TMEFF1: variants seen among roughly 807,000 people sequenced by gnomAD.
TMEFF1 encodes tomoregulin-1.
TMEFF1 carries 20 observed loss-of-function variants against 47.5 expected under a neutral mutation model. The ratio of observed to expected loss-of-function variants is 0.42; its 90% CI spans 0.30 to 0.61. The LOEUF is 0.61. Ranked by LOEUF, TMEFF1 falls within the 20% of genes least tolerant of loss-of-function variation. The probability of loss-of-function intolerance (pLI) is 0.19; values close to 1 mark genes in which losing one functional copy is unlikely to be tolerated. For synonymous variants in TMEFF1, 162 were observed against 166.3 expected, an observed-to-expected ratio of 0.97 and a Z score of 0.20; for missense variants, 411 against 471.1, an observed-to-expected ratio of 0.87 and a Z score of 1.18.
intron 1 of TMEFF1, among the ~76,000 whole-genome samples, chr9:100,475,301 G>A (rs1474047190): frequency 6.6e-6 from 1 of 152,184 alleles, no homozygotes; most frequent in African/African-American, 2.4e-5. Context: ...AATGTTTTAT[G>A]AGGGGAATGG....
At chr9:100,518,886 T>G (rs1838114679) in intron 5 of TMEFF1, among the ~76,000 whole-genome samples, 1 of 152,174 alleles carries the variant, frequency 6.6e-6, no homozygotes, top group African/African-American at 2.4e-5. Flanking sequence ...TTTTTACCTA[T>G]CCAGCTGGGC....
chr9:100,507,822 T>G (rs960276176), intron 2 of TMEFF1, among the ~76,000 whole-genome samples: 2 of 152,244 alleles, frequency 1.3e-5, no homozygotes, highest in African/African-American at 4.8e-5. Context: ...ATTTTTAGGT[T>G]ATTGATATTA....
At chr9:100,571,599 G>A (rs961635745) in intron 8 of TMEFF1, among the ~76,000 whole-genome samples, 1 of 151,918 alleles carries the variant, frequency 6.6e-6, no homozygotes, top group African/African-American at 2.4e-5. Flanking sequence ...CCTTTTTGTT[G>A]CCAGGGACTA....
intron 3 of TMEFF1, among the ~76,000 whole-genome samples, chr9:100,512,711 T>C (rs556463576): frequency 1.3e-4 from 20 of 152,226 alleles, no homozygotes; most frequent in Admixed American, 4.6e-4. Flanking sequence ...TTAATTTCAC[T>C]AGCGACAAGT....
chr9:100,476,558 C>T (rs1015077007), intron 1 of TMEFF1, among the ~76,000 whole-genome samples: 22 of 152,062 alleles, frequency 1.4e-4, no homozygotes, highest in African/African-American at 4.8e-4. Context: ...CCATGCCGGG[C>T]TAATTTGTAT....
intron 5 of TMEFF1, among the ~76,000 whole-genome samples, chr9:100,546,640 C>T (rs932396078): frequency 6.6e-6 from 1 of 152,184 alleles, no homozygotes; most frequent in South Asian, 2.1e-4. Context: ...GTACTTATAA[C>T]TTCTGTCCTA....
intron 1 of TMEFF1, among the ~76,000 whole-genome samples, chr9:100,493,414 A>G (rs542526979): frequency 6.6e-6 from 1 of 152,262 alleles, no homozygotes; most frequent in East Asian, 1.9e-4. Context: ...GCTGGATCTC[A>G]TTTTGAATCA....
At chr9:100,515,132 C>T (rs1251182701) in intron 4 of TMEFF1, among the ~76,000 whole-genome samples, 1 of 152,086 alleles carries the variant, frequency 6.6e-6, no homozygotes, top group African/African-American at 2.4e-5. Flanking sequence ...CGCCATTGCA[C>T]CCTGTCTCAA....
At chr9:100,512,044 C>A (rs75864246) in intron 3 of TMEFF1, among the ~76,000 whole-genome samples, 2,253 of 152,234 alleles carry the variant, frequency 0.015, 52 homozygotes, top group African/African-American at 0.051. Flanking sequence ...TCTTATTTAT[C>A]ATTTTATTCC....
intron 5 of TMEFF1, among the ~76,000 whole-genome samples, chr9:100,544,030 A>C (rs1238696234): frequency 6.6e-6 from 1 of 151,408 alleles, no homozygotes; most frequent in Non-Finnish European, 1.5e-5. Flanking sequence ...AACCTTTTTA[A>C]TTTTTTAAAT....
intron 1 of TMEFF1, among the ~76,000 whole-genome samples, chr9:100,485,324 C>G (rs772329989): frequency 2.0e-5 from 3 of 152,116 alleles, no homozygotes; most frequent in Non-Finnish European, 4.4e-5. Context: ...ATGTATTCCA[C>G]CTAGGAGTGG....
rs199800271 is a variant in TMEFF1, at chr9:100,483,097, CATT to C, written c.196+9358_196+9360del. ...TTGTCATTTATGATAAAATTTCTCT[CATT>C]GTTGTGAAACACATGAATTTATATA... On this transcript the variant is annotated intron_variant, in intron 1 of 9. Coordinates refer to ENST00000374879, the MANE Select transcript of TMEFF1 (RefSeq NM_003692.5). Among the ~76,000 whole-genome samples the C allele has an allele frequency of 3.5e-3, 525 of 152,168 alleles. 3 individuals are homozygous for C. Among genetic ancestry groups the C allele is most frequent in the Admixed American group, 5.8e-3 (88 of 15,290 alleles).
At position 100,473,514 on chromosome 9, in the gene TMEFF1, C is replaced by T; in HGVS notation, c.-31C>T. On this transcript the variant is annotated 5_prime_UTR_variant, in exon 1 of 10. Coordinates refer to ENST00000374879, the MANE Select transcript of TMEFF1 (RefSeq NM_003692.5). This position sits in a 1 kb window ranked among gnomAD's most constrained non-coding sequence, Gnocchi z 5.4. ...CTGGATGCCCCCGGCCTGCGGCTCC[C>T]TGCGCTTCCCGCCGTCCAGGGGCAC... The T allele has an allele frequency of 7.2e-7, 1 of 1,388,822 alleles. No individual in the cohort carries two copies. The highest frequency in any genetic ancestry group is 9.3e-7 in the Non-Finnish European group (1 of 1,074,198). The allele number at this position is 1,388,822 out of a possible 1,614,324, so 86.0% of individuals were successfully genotyped here.
At chr9:100,525,404 G>A (rs1012576950) in intron 5 of TMEFF1, among the ~76,000 whole-genome samples, 3 of 151,898 alleles carry the variant, frequency 2.0e-5, no homozygotes, top group Admixed American at 2.0e-4. Flanking sequence ...CACAGAACTT[G>A]GGAAAGCACT....
At chr9:100,536,527 T>C (rs1365111879) in intron 5 of TMEFF1, among the ~76,000 whole-genome samples, 1 of 152,206 alleles carries the variant, frequency 6.6e-6, no homozygotes, top group Admixed American at 6.5e-5. Flanking sequence ...TTGTTTAATA[T>C]AAAAAGCATT....
intron 8 of TMEFF1, among the ~76,000 whole-genome samples, chr9:100,569,153 C>T (rs947915153): frequency 2.0e-5 from 3 of 152,138 alleles, no homozygotes; most frequent in Admixed American, 1.3e-4. Context: ...GCTGCCAGAC[C>T]GTTTTCCAAA....
intron 2 of TMEFF1, among the ~76,000 whole-genome samples, chr9:100,508,119 C>G (rs1837894286): frequency 6.6e-6 from 1 of 152,074 alleles, no homozygotes; most frequent in Non-Finnish European, 1.5e-5. Flanking sequence ...ATTAACTGGC[C>G]ATTTGTAATT....
At chr9:100,522,686 C>T (rs1587835219) in intron 5 of TMEFF1, among the ~76,000 whole-genome samples, 1 of 151,836 alleles carries the variant, frequency 6.6e-6, no homozygotes, top group Non-Finnish European at 1.5e-5. Context: ...CCACCTGCCT[C>T]GGCCTCCCAA....
intron 4 of TMEFF1, among the ~76,000 whole-genome samples, chr9:100,515,727 A>G (rs1436244512): frequency 6.6e-6 from 1 of 151,954 alleles, no homozygotes; most frequent in East Asian, 1.9e-4. Flanking sequence ...CAGAGGTTCA[A>G]GTGATTCTCC....
Sources: gnomAD v4.1 joint callset for allele counts (sites outside exome capture counted in the v4.1 genomes callset) on GRCh38, gnomAD v4.1.1 for gene constraint, Gnocchi (gnomAD v3.1) non-coding constraint, MANE v1.5 for transcripts, NCBI Gene and HGNC (gene_info 2026-07-23, HGNC 2026-07-21) for gene names.